The following TRAF2 variants were observed in gnomAD, a reference collection of about 807,000 sequenced individuals.
The protein encoded by TRAF2 is TNF receptor-associated factor 2.
TRAF2 carries 6 observed loss-of-function variants against 55.6 expected under a neutral mutation model. The observed-to-expected ratio is 0.11, with a 90% CI of 0.06 to 0.21. The LOEUF is 0.21. Ranked by LOEUF, TRAF2 falls within the 10% of genes least tolerant of loss-of-function variation. The probability of loss-of-function intolerance (pLI) is 1.00; values close to 1 mark genes in which losing one functional copy is unlikely to be tolerated. For synonymous variants in TRAF2, 329 were observed against 276.3 expected (o/e 1.19, Z -1.89); for missense variants, 561 against 684.5 (o/e 0.82, Z 2.01).
intron 3 of TRAF2, among the ~76,000 whole-genome samples, chr9:136,899,960 G>T (rs1849775770): frequency 6.6e-6 from 1 of 152,148 alleles, no homozygotes; most frequent in Non-Finnish European, 1.5e-5. Flanking sequence ...GAGGTAAGGA[G>T]TTCGAGACCA....
In TRAF2 at chr9:136,921,200, G is replaced by A. The variant is rs767258846; in HGVS notation, c.1123G>A (p.Ala375Thr). 17 of 1,613,614 alleles carry A rather than the reference G, an allele frequency of 1.1e-5. No individual in the cohort carries two copies. Among genetic ancestry groups the A allele is most frequent in the South Asian group, 2.2e-5 (2 of 91,092 alleles). Residue 375 changes from alanine to threonine, a missense_variant, in exon 9 of 11, where the codon GCC becomes ACC. Coordinates refer to ENST00000247668, the MANE Select transcript of TRAF2 (RefSeq NM_021138.4). ...RQEAVAGRIP[A>T]IFSPAFYTSR... ...GGAAGCTGTGGCTGGCCGCATACCC[G>A]CCATCTTCTCCCCAGGTGTGGTTCT...
rs1564424508 is a variant in TRAF2, at chr9:136,925,701, G to A, written c.1306G>A (p.Asp436Asn). 1.2e-5 allele frequency: 20 copies of A among 1,614,050 alleles called. No homozygotes were observed. Among genetic ancestry groups the A allele is most frequent in the Admixed American group, 1.7e-5 (1 of 60,026 alleles). ...FNQKVTLMLLDQNNREHVIDA... is the reference protein window; with the variant it reads ...FNQKVTLMLLNQNNREHVIDA... Reference sequence around the variant, plus strand: ...CCTCCAGGTGACCTTAATGCTGCTCGACCAGAATAACCGGGAGCACGTGAT... The same window carrying A: ...CCTCCAGGTGACCTTAATGCTGCTCAACCAGAATAACCGGGAGCACGTGAT... The change falls in exon 11 of 11, where the codon GAC becomes AAC. Residue 436 changes from aspartate to asparagine, a missense_variant. Transcript: ENST00000247668.
upstream of TRAF2, chr9:136,882,820 C>T (rs535679798): frequency 3.3e-3 from 2,788 of 848,396 alleles, 11 homozygotes; most frequent in Admixed American, 4.4e-3. Flanking sequence ...CAGTGTGTGC[C>T]TCTGCCTCTC....
chr9:136,913,107 C>T (rs558523548), intron 6 of TRAF2, among the ~76,000 whole-genome samples: 5 of 151,982 alleles, frequency 3.3e-5, no homozygotes, highest in African/African-American at 1.2e-4. Context: ...CGCGCCAGTG[C>T]GCTCCAGCCT....
chr9:136,888,462 T>TA (rs982429063), intron 1 of TRAF2, among the ~76,000 whole-genome samples: 39 of 152,312 alleles, frequency 2.6e-4, no homozygotes, highest in African/African-American at 8.4e-4. Flanking sequence ...AGTGAACTCT[T>TA]ACGTGGAGTC....
intron 8 of TRAF2, 92 bp from the exon 9 acceptor site, chr9:136,920,946 C>T (rs1850369506): frequency 2.0e-6 from 3 of 1,492,674 alleles, no homozygotes; most frequent in South Asian, 2.4e-5. Flanking sequence ...TGCCCAAGAG[C>T]ACTGTCCTGC....
At chr9:136,914,954 C>T (rs769581488) in intron 6 of TRAF2, among the ~76,000 whole-genome samples, 12 of 150,772 alleles carry the variant, frequency 8.0e-5, no homozygotes, top group Non-Finnish European at 1.5e-4. Flanking sequence ...CGGAGGCGAG[C>T]GGATCACCTG....
At chr9:136,911,057 G>T (rs757872152) in intron 6 of TRAF2, among the ~76,000 whole-genome samples, 1 of 152,230 alleles carries the variant, frequency 6.6e-6, no homozygotes, top group Non-Finnish European at 1.5e-5. Context: ...TGCCCTCTGC[G>T]TGTGCCCCAG....
intron 3 of TRAF2, 124 bp from the exon 4 acceptor site, chr9:136,900,298 C>T (rs150136748): frequency 1.8e-5 from 11 of 602,450 alleles, no homozygotes; most frequent in African/African-American, 1.3e-4. Flanking sequence ...ATCCTCTGCT[C>T]CTGGAGTGGC....
intron 4 of TRAF2, among the ~76,000 whole-genome samples, chr9:136,904,933 GC>G (rs1354803193): frequency 6.6e-6 from 1 of 152,202 alleles, no homozygotes; most frequent in Non-Finnish European, 1.5e-5. Flanking sequence ...CTTAGCTTGG[GC>G]CAGTGCCGCT....
At chr9:136,919,048 A>ATTTATTTATTTATTTAT (rs1850317350) in intron 7 of TRAF2, among the ~76,000 whole-genome samples, 3 of 146,256 alleles carry the variant, frequency 2.1e-5, no homozygotes, top group African/African-American at 5.1e-5. Context: ...TTTAATATTT[A>ATTTATTTATTTATTTAT]TTTATTTATT....
intron 9 of TRAF2, among the ~76,000 whole-genome samples, chr9:136,922,843 G>A (rs183754683): frequency 3.5e-5 from 5 of 142,950 alleles, no homozygotes; most frequent in Non-Finnish European, 6.1e-5. Context: ...GCACGTGGTG[G>A]AGGACGAGGA....
At chr9:136,903,669 GTTT>G (rs1211019770) in intron 4 of TRAF2, among the ~76,000 whole-genome samples, 1 of 151,518 alleles carries the variant, frequency 6.6e-6, no homozygotes, top group Non-Finnish European at 1.5e-5. Context: ...CAAGAGAAAG[GTTT>G]TTTTTGTTTG....
chr9:136,911,822 C>G (rs1357381617), intron 6 of TRAF2, among the ~76,000 whole-genome samples: 1 of 133,136 alleles, frequency 7.5e-6, no homozygotes, highest in Non-Finnish European at 1.6e-5. Flanking sequence ...ATGTGTGTGG[C>G]GTGCTTGGGA....
At chr9:136,907,755 G>GCCCCC (rs1849989279) in intron 4 of TRAF2, among the ~76,000 whole-genome samples, 1 of 152,174 alleles carries the variant, frequency 6.6e-6, no homozygotes. Flanking sequence ...GCAGAGCAGG[G>GCCCCC]ACTGTGCACT....
intron 1 of TRAF2, among the ~76,000 whole-genome samples, chr9:136,887,758 C>T (rs1849487041): frequency 6.6e-6 from 1 of 152,144 alleles, no homozygotes; most frequent in South Asian, 2.1e-4. Context: ...TTCTACCACG[C>T]TTGCTTCTGA....
At chr9:136,918,909 A>G (rs1236920589) in intron 7 of TRAF2, among the ~76,000 whole-genome samples, 1 of 151,364 alleles carries the variant, frequency 6.6e-6, no homozygotes, top group Non-Finnish European at 1.5e-5. Context: ...TAATTTTTGT[A>G]TTTTTAGTAG....
At chr9:136,924,284 C>CGG (rs569357037) in intron 10 of TRAF2, among the ~76,000 whole-genome samples, 3 of 151,984 alleles carry the variant, frequency 2.0e-5, no homozygotes, top group Admixed American at 6.6e-5. Context: ...GCCGAGTGGG[C>CGG]GGGGAGTATG....
intron 6 of TRAF2, among the ~76,000 whole-genome samples, chr9:136,915,257 G>T (rs17250490): frequency 6.6e-6 from 1 of 152,198 alleles, no homozygotes; most frequent in Admixed American, 6.5e-5. Flanking sequence ...ATTCTGAGAC[G>T]TCAGAGGGAA....
Sources: allele counts gnomAD v4.1 joint callset (sites outside exome capture counted in the v4.1 genomes callset), GRCh38; gene constraint gnomAD v4.1.1; transcripts MANE v1.5; gene names NCBI Gene and HGNC (gene_info 2026-07-23, HGNC 2026-07-21).